COG5: variants seen among roughly 807,000 people sequenced by gnomAD.
COG5 encodes the protein conserved oligomeric Golgi complex subunit 5.
COG5 carries 86 observed loss-of-function variants against 110.4 expected under a neutral mutation model. The ratio of observed to expected loss-of-function variants is 0.78; its 90% CI spans 0.65 to 0.93. The LOEUF is 0.93. Among genes scored for constraint, COG5 ranks in the 40% least tolerant of loss-of-function variants. The probability of loss-of-function intolerance (pLI) is 0.00; values close to 1 mark genes in which losing one functional copy is unlikely to be tolerated. For missense variants in COG5, 1,077 were observed against 987.0 expected (o/e 1.09, Z -1.22); for synonymous variants, 360 against 334.6 (o/e 1.08, Z -0.83).
chr7:107,395,994 A>C (rs1790981130), intron 7 of COG5, among the ~76,000 whole-genome samples: 1 of 152,230 alleles, frequency 6.6e-6, no homozygotes, highest in Non-Finnish European at 1.5e-5. Context: ...ATAAAATCCT[A>C]ATATTTATGA....
chr7:107,402,605 G>A (rs898550627), intron 7 of COG5, among the ~76,000 whole-genome samples: 1 of 152,082 alleles, frequency 6.6e-6, no homozygotes, highest in Admixed American at 6.6e-5. Flanking sequence ...TTGTAATCCT[G>A]AAAAAATAAA....
chr7:107,290,691 C>T (rs1806092888), intron 12 of COG5, among the ~76,000 whole-genome samples: 2 of 152,120 alleles, frequency 1.3e-5, no homozygotes, highest in South Asian at 4.1e-4. Context: ...ACATGGGATT[C>T]TTGGCTCATT....
chr7:107,395,136 T>C (rs1790893252), intron 7 of COG5, among the ~76,000 whole-genome samples: 1 of 152,188 alleles, frequency 6.6e-6, no homozygotes, highest in South Asian at 2.1e-4. Flanking sequence ...AATAATTTAT[T>C]AGCATGGATG....
chr7:107,429,591 C>A (rs1037452321), intron 6 of COG5, among the ~76,000 whole-genome samples: 2 of 152,000 alleles, frequency 1.3e-5, no homozygotes, highest in African/African-American at 2.4e-5. Context: ...GGCTTTTGCT[C>A]ATTTTTTAGT....
At chr7:107,481,531 TCC>T (rs1439793837) in intron 6 of COG5, among the ~76,000 whole-genome samples, 1 of 152,054 alleles carries the variant, frequency 6.6e-6, no homozygotes, top group African/African-American at 2.4e-5. Context: ...TTACACACAA[TCC>T]CATACGTCAT....
At chr7:107,519,868 T>C (rs1800203104) in intron 6 of COG5, among the ~76,000 whole-genome samples, 2 of 152,182 alleles carry the variant, frequency 1.3e-5, no homozygotes, top group Admixed American at 6.5e-5. Context: ...CGAATATCCC[T>C]GATGAACATC....
chr7:107,217,649 C>T (rs1799618489), intron 19 of COG5, among the ~76,000 whole-genome samples: 1 of 152,060 alleles, frequency 6.6e-6, no homozygotes, highest in African/African-American at 2.4e-5. Flanking sequence ...ACCATATGAT[C>T]ATTTTATTAG....
intron 6 of COG5, among the ~76,000 whole-genome samples, chr7:107,463,726 T>C (rs1423862118): frequency 6.6e-6 from 1 of 152,140 alleles, no homozygotes; most frequent in Non-Finnish European, 1.5e-5. Flanking sequence ...GACTACATTA[T>C]TTCCTAACCA....
chr7:107,322,520 TA>T (rs959104948), intron 11 of COG5, among the ~76,000 whole-genome samples: 2 of 151,580 alleles, frequency 1.3e-5, no homozygotes, highest in African/African-American at 2.4e-5. Context: ...AAAACCCCAA[TA>T]AAAAAAACTA....
At chr7:107,389,720 C>G (rs1482389968) in intron 7 of COG5, among the ~76,000 whole-genome samples, 1 of 152,150 alleles carries the variant, frequency 6.6e-6, no homozygotes, top group East Asian at 1.9e-4. Flanking sequence ...ATCAGCATTT[C>G]ATTGCCACGT....
chr7:107,278,027 T>C (rs974278502), intron 14 of COG5, among the ~76,000 whole-genome samples: 1 of 152,162 alleles, frequency 6.6e-6, no homozygotes, highest in Non-Finnish European at 1.5e-5. Context: ...ATAAAATCTA[T>C]AACTAAGTAT....
intron 6 of COG5, among the ~76,000 whole-genome samples, chr7:107,489,911 T>C (rs937862331): frequency 3.9e-5 from 6 of 152,112 alleles, no homozygotes; most frequent in African/African-American, 1.2e-4. Flanking sequence ...AATGATAGCA[T>C]CTACCTCACA....
chr7:107,372,278 G>A (rs1176946491), intron 8 of COG5, among the ~76,000 whole-genome samples: 1 of 152,066 alleles, frequency 6.6e-6, no homozygotes, highest in Non-Finnish European at 1.5e-5. Flanking sequence ...GTACATGGGA[G>A]GATAAGGATT....
chr7:107,214,819 G>A (rs1799405554), intron 19 of COG5, among the ~76,000 whole-genome samples: 1 of 151,864 alleles, frequency 6.6e-6, no homozygotes, highest in Admixed American at 6.6e-5. Context: ...CTACTTAGGA[G>A]GCTGAATCAT....
chr7:107,467,011 T>C (rs1796329832), intron 6 of COG5, among the ~76,000 whole-genome samples: 1 of 152,194 alleles, frequency 6.6e-6, no homozygotes, highest in Non-Finnish European at 1.5e-5. Context: ...ATATGAATAG[T>C]ACAATGTAAA....
Position 107,474,892 on chromosome 7 carries a change from A to G in COG5, c.538+52345T>C. On this transcript the variant is annotated intron_variant, in intron 6 of 21. Transcript: ENST00000297135. The surrounding 1 kb of genome is among the most constrained non-coding windows in gnomAD (Gnocchi z 5.7). ...AGACATGTCACAAAGCAGTGGTGGG[A>G]GAAATGTAGTCTTTGGTGTAAGAAC... 1 of 1,613,232 alleles carries G rather than the reference A, an allele frequency of 6.2e-7. No individual in the cohort carries two copies. The highest frequency in any genetic ancestry group is 8.5e-7 in the Non-Finnish European group (1 of 1,179,502).
Position 107,283,734 on chromosome 7 carries a change from T to G in COG5, c.1314-2A>C. ...GAGTCTTTCAAAGCCTTTTCTGGAC[T>G]GTGGAAACAAAATTTTTTAAAAACT... On this transcript the variant is annotated splice_acceptor_variant, in intron 12 of 21. Transcript: ENST00000297135. LOFTEE classifies it high-confidence loss of function. The G allele has an allele frequency of 6.2e-7, 1 of 1,613,452 alleles. No individual in the cohort carries two copies. Among genetic ancestry groups the G allele is most frequent in the Non-Finnish European group, 8.5e-7 (1 of 1,179,466 alleles).
intron 6 of COG5, among the ~76,000 whole-genome samples, chr7:107,461,754 AAAC>A (rs1584854681): frequency 6.6e-6 from 1 of 152,366 alleles, no homozygotes. Flanking sequence ...TTCTTTATAT[AAAC>A]AAATCAAAAT....
intron 1 of COG5, among the ~76,000 whole-genome samples, chr7:107,559,519 C>G (rs13224747): frequency 4.6e-5 from 7 of 152,186 alleles, no homozygotes; most frequent in Admixed American, 3.3e-4. Flanking sequence ...TCTCCAGTGT[C>G]TGAACAATAC....
Sources: gnomAD v4.1 joint callset for allele counts (sites outside exome capture counted in the v4.1 genomes callset) on GRCh38, gnomAD v4.1.1 for gene constraint, Gnocchi (gnomAD v3.1) non-coding constraint, MANE v1.5 for transcripts, NCBI Gene and HGNC (gene_info 2026-07-23, HGNC 2026-07-21) for gene names.